Variants in CCDC33 observed in about 807,000 individuals in gnomAD.
CCDC33 encodes the protein coiled-coil domain containing 33, also known as coiled-coil domain-containing protein 33.
In CCDC33, 94 loss-of-function variants were observed where a neutral mutation model predicts 91.9. The observed-to-expected ratio is 1.02, with a 90% CI of 0.87 to 1.21. The LOEUF (loss-of-function observed/expected upper bound fraction) is 1.21, where lower values mean the gene tolerates loss of function less well. Ranked by LOEUF, CCDC33 falls within the 50% of genes most tolerant of loss-of-function variation. The pLI is 0.00. For synonymous variants in CCDC33, 396 were observed against 374.5 expected, an observed-to-expected ratio of 1.06 and a Z score of -0.66; for missense variants, 940 against 935.5, an observed-to-expected ratio of 1.00 and a Z score of -0.06.
chr15:74,273,667 C>T (rs1465108043), intron 7 of CCDC33, among the ~76,000 whole-genome samples: 2 of 151,596 alleles, frequency 1.3e-5, no homozygotes, highest in African/African-American at 2.4e-5. Flanking sequence ...CAGGGTTTCA[C>T]CATGTCGGCC....
intron 18 of CCDC33, chr15:74,335,367 A>C (rs1436163560): frequency 1.7e-6 from 1 of 595,808 alleles, no homozygotes; most frequent in African/African-American, 1.9e-5. Flanking sequence ...TGAGGGGTCC[A>C]TGCAGGCATC....
chr15:74,236,275 C>T (rs1727837393), upstream of CCDC33: 1 of 160,980 alleles, frequency 6.2e-6, no homozygotes, highest in African/African-American at 2.4e-5. Context: ...CGGCCCTGCC[C>T]TGTGACATCA....
At position 74,218,093 on chromosome 15, in the gene CCDC33, C is replaced by T. The variant is rs570836856; in HGVS notation, c.311-404C>T. ...AGCTGGAATGAGAAGGAAATCCATG[C>T]CTAGACTAAGGCCACCCTGGCAGGC... On this transcript the variant is annotated intron_variant, in intron 1 of 2. Transcript: ENST00000635913. This position sits in a 1 kb window ranked among gnomAD's most constrained non-coding sequence, Gnocchi z 4.8. 9.8e-4 allele frequency among the ~76,000 whole-genome samples: 149 copies of T among 152,176 alleles called. No homozygotes were observed. The highest frequency in any genetic ancestry group is 1.5e-3 in the Non-Finnish European group (105 of 68,020).
chr15:74,324,159 T>G (rs190784824), intron 11 of CCDC33, among the ~76,000 whole-genome samples: 1 of 150,746 alleles, frequency 6.6e-6, no homozygotes, highest in East Asian at 2.0e-4. Context: ...ATACTGTCGC[T>G]ACCTGAGCAT....
chr15:74,324,491 T>C (rs2060269658), intron 11 of CCDC33, among the ~76,000 whole-genome samples: 1 of 151,876 alleles, frequency 6.6e-6, no homozygotes, highest in Non-Finnish European at 1.5e-5. Flanking sequence ...CGGAAGGTGG[T>C]TGTCCTCCTT....
intron 2 of CCDC33, among the ~76,000 whole-genome samples, chr15:74,219,194 G>A (rs958367402): frequency 6.6e-5 from 10 of 152,182 alleles, no homozygotes; most frequent in African/African-American, 1.2e-4. Context: ...GAGTGACCAG[G>A]GGACAGAAGC....
At chr15:74,217,695 C>T in intron 1 of CCDC33, 2 of 820,524 alleles carry the variant, frequency 2.4e-6, no homozygotes, top group Admixed American at 4.2e-5. Context: ...GTCAGAGCTC[C>T]AGACTGCATC....
chr15:74,251,569 G>A (rs529708618), intron 2 of CCDC33, among the ~76,000 whole-genome samples: 1 of 152,376 alleles, frequency 6.6e-6, no homozygotes, highest in South Asian at 2.1e-4. Flanking sequence ...GACAGAGCCA[G>A]GACTCGAAGG....
chr15:74,248,317 T>TTA (rs1221190346), intron 2 of CCDC33, among the ~76,000 whole-genome samples: 4 of 143,028 alleles, frequency 2.8e-5, no homozygotes, highest in East Asian at 3.9e-4. Context: ...TGTATATATA[T>TTA]TATATATATT....
chr15:74,307,848 A>G (rs2059918635), intron 11 of CCDC33, among the ~76,000 whole-genome samples: 1 of 152,050 alleles, frequency 6.6e-6, no homozygotes, highest in African/African-American at 2.4e-5. Flanking sequence ...CAGCTTCCAC[A>G]CTGGCCCCTG....
intron 10 of CCDC33, among the ~76,000 whole-genome samples, chr15:74,285,288 A>G (rs2059451043): frequency 6.6e-6 from 1 of 152,180 alleles, no homozygotes; most frequent in Non-Finnish European, 1.5e-5. Context: ...CACACCCGCC[A>G]CTACCACGTC....
intron 11 of CCDC33, among the ~76,000 whole-genome samples, chr15:74,320,786 C>T (rs1024522539): frequency 1.3e-5 from 2 of 152,208 alleles, no homozygotes; most frequent in African/African-American, 2.4e-5. Context: ...ATGCCCTTGC[C>T]GCTTCGATAT....
chr15:74,228,218 A>G (rs1393507747), intron 2 of CCDC33, among the ~76,000 whole-genome samples: 3 of 152,172 alleles, frequency 2.0e-5, no homozygotes, highest in Non-Finnish European at 4.4e-5. Flanking sequence ...GGTGGAAAGT[A>G]TTTGATCAGG....
rs1596020456 is a variant in CCDC33 at position 74,281,809 on chromosome 15, C to T, written c.1055C>T (p.Ala352Val). ...DTSLKTINDE[A>V]PTVALSFQLL... ...AGCCTGAAAACTATCAATGATGAGG[C>T]CCCCACAGTGGCTCTCTCCTTCCAG... The change falls in exon 10 of 19, where the codon GCC becomes GTC. Residue 352 changes from alanine (A) to valine (V), a missense_variant. Transcript: ENST00000398814. 3.1e-6 allele frequency: 5 copies of T among 1,613,926 alleles called. No individual in the cohort carries two copies. The highest frequency in any genetic ancestry group is 3.4e-6 in the Non-Finnish European group (4 of 1,179,972).
chr15:74,291,768 G>A (rs996143707), intron 10 of CCDC33, among the ~76,000 whole-genome samples: 24 of 152,252 alleles, frequency 1.6e-4, no homozygotes, highest in Non-Finnish European at 7.3e-5. Context: ...GGAAGGCAGA[G>A]GATGTTGTGG....
chr15:74,225,104 C>G (rs1018586606), intron 2 of CCDC33, among the ~76,000 whole-genome samples: 1 of 148,204 alleles, frequency 6.7e-6, no homozygotes, highest in Non-Finnish European at 1.5e-5. Context: ...CGCTGACTCA[C>G]ACCTCCTGGA....
At chr15:74,270,853 G>T (rs1595992021) in intron 5 of CCDC33, among the ~76,000 whole-genome samples, 1 of 152,254 alleles carries the variant, frequency 6.6e-6, no homozygotes, top group South Asian at 2.1e-4. Context: ...CCTCCTGCTG[G>T]GACCCCGCTC....
At chr15:74,283,340 G>A (rs1378496461) in intron 10 of CCDC33, among the ~76,000 whole-genome samples, 1 of 152,130 alleles carries the variant, frequency 6.6e-6, no homozygotes, top group African/African-American at 2.4e-5. Flanking sequence ...TCTGTCTCCT[G>A]CCCCTTCCAC....
intron 1 of CCDC33, chr15:74,208,190 GCAGATTT>G (rs1172419642): frequency 5.3e-6 from 2 of 377,310 alleles, no homozygotes; most frequent in Non-Finnish European, 7.6e-6. Context: ...GAGGAGGGAG[GCAGATTT>G]CAGCTCAGAA....
Sources: allele counts gnomAD v4.1 joint callset (sites outside exome capture counted in the v4.1 genomes callset), GRCh38; gene constraint gnomAD v4.1.1; non-coding constraint Gnocchi (gnomAD v3.1); transcripts MANE v1.5; gene names NCBI Gene and HGNC (gene_info 2026-07-23, HGNC 2026-07-21).